The following PPP1R9A variants were observed in gnomAD, a reference collection of about 807,000 sequenced individuals.
The protein encoded by PPP1R9A is neurabin-1.
PPP1R9A carries 59 observed loss-of-function variants against 141.9 expected under a neutral mutation model. That is an observed-to-expected ratio of 0.42 (90% CI 0.34 to 0.52). The LOEUF (loss-of-function observed/expected upper bound fraction) is 0.52. PPP1R9A is among the 20% of genes least tolerant of loss of function. The probability of loss-of-function intolerance (pLI) is 0.10; values close to 1 mark genes in which losing one functional copy is unlikely to be tolerated. For synonymous variants in PPP1R9A, 500 were observed against 569.7 expected, an observed-to-expected ratio of 0.88 and a Z score of 1.74; for missense variants, 1,444 against 1,611.9, an observed-to-expected ratio of 0.90 and a Z score of 1.78.
chr7:95,092,944 T>C (rs1263220419), intron 2 of PPP1R9A, among the ~76,000 whole-genome samples: 2 of 152,218 alleles, frequency 1.3e-5, no homozygotes, highest in Non-Finnish European at 2.9e-5. Context: ...GCTTTGTCTA[T>C]GTCAGGGTGA....
At chr7:95,189,420 G>T (rs1563384863) in intron 5 of PPP1R9A, among the ~76,000 whole-genome samples, 1 of 150,988 alleles carries the variant, frequency 6.6e-6, no homozygotes, top group Admixed American at 6.6e-5. Context: ...ATTTTTTGGA[G>T]GGTTTGTTTA....
intron 7 of PPP1R9A, among the ~76,000 whole-genome samples, chr7:95,210,621 A>G (rs1366966879): frequency 3.3e-5 from 5 of 152,006 alleles, no homozygotes; most frequent in Admixed American, 3.3e-4. Flanking sequence ...ACATGCCACC[A>G]TTTGACCCAG....
At chr7:95,282,345 C>T (rs1804420665) in intron 16 of PPP1R9A, among the ~76,000 whole-genome samples, 1 of 151,926 alleles carries the variant, frequency 6.6e-6, no homozygotes, top group Non-Finnish European at 1.5e-5. Flanking sequence ...AAAAAGAAAA[C>T]AGAAGTTGAA....
intron 2 of PPP1R9A, among the ~76,000 whole-genome samples, chr7:95,038,427 C>T (rs1375610754): frequency 6.6e-6 from 1 of 152,092 alleles, no homozygotes; most frequent in Non-Finnish European, 1.5e-5. Flanking sequence ...ATGGGCTTTA[C>T]CTATAAGGAA....
At chr7:95,200,571 T>A (rs1239271036) in intron 6 of PPP1R9A, among the ~76,000 whole-genome samples, 1 of 152,200 alleles carries the variant, frequency 6.6e-6, no homozygotes, top group Non-Finnish European at 1.5e-5. Context: ...TGAGCCACCC[T>A]ACCTGGCCCA....
intron 2 of PPP1R9A, among the ~76,000 whole-genome samples, chr7:95,059,803 T>C (rs1811978447): frequency 6.6e-6 from 1 of 152,170 alleles, no homozygotes; most frequent in South Asian, 2.1e-4. Context: ...TCATTCCTAA[T>C]GTGTACTGTG....
At chr7:95,166,726 C>T (rs570737505) in intron 5 of PPP1R9A, among the ~76,000 whole-genome samples, 1 of 152,212 alleles carries the variant, frequency 6.6e-6, no homozygotes, top group East Asian at 1.9e-4. Context: ...AAACTGCAGG[C>T]CAATATTCCC....
chr7:95,111,122 C>T, intron 2 of PPP1R9A, 137 bp from the exon 3 acceptor site: 1 of 961,392 alleles, frequency 1.0e-6, no homozygotes, highest in South Asian at 2.1e-5. Flanking sequence ...CTTTTCTTAA[C>T]ATCTCAATTG....
At chr7:94,923,039 A>C (rs1054181763) in intron 2 of PPP1R9A, among the ~76,000 whole-genome samples, 1 of 152,190 alleles carries the variant, frequency 6.6e-6, no homozygotes, top group Non-Finnish European at 1.5e-5. Flanking sequence ...AGAAGGTGTT[A>C]CTTTAAGAAA....
intron 2 of PPP1R9A, among the ~76,000 whole-genome samples, chr7:95,092,724 A>T (rs1231394958): frequency 6.6e-6 from 1 of 152,238 alleles, no homozygotes; most frequent in Non-Finnish European, 1.5e-5. Context: ...AGAAAATAGC[A>T]TTAACAAATG....
chr7:95,001,221 A>T (rs113174145), intron 2 of PPP1R9A, among the ~76,000 whole-genome samples: 3,394 of 152,236 alleles, frequency 0.022, 125 homozygotes, highest in African/African-American at 0.077. Flanking sequence ...GTTATAAATA[A>T]GGACTTGGCT....
intron 2 of PPP1R9A, among the ~76,000 whole-genome samples, chr7:95,083,134 T>G (rs1816153104): frequency 6.6e-6 from 1 of 151,906 alleles, no homozygotes; most frequent in Admixed American, 6.6e-5. Context: ...GAAAAGCATA[T>G]ATATTTTGTA....
intron 5 of PPP1R9A, among the ~76,000 whole-genome samples, chr7:95,170,868 A>G (rs1232468055): frequency 1.3e-5 from 2 of 151,676 alleles, no homozygotes; most frequent in African/African-American, 2.4e-5. Flanking sequence ...TTTAAAACAA[A>G]GGACATGACT....
intron 2 of PPP1R9A, among the ~76,000 whole-genome samples, chr7:94,957,444 A>G (rs1300270642): frequency 6.6e-6 from 1 of 152,064 alleles, no homozygotes; most frequent in Non-Finnish European, 1.5e-5. Flanking sequence ...AGAATGGGAG[A>G]AAAGAAATTC....
intron 7 of PPP1R9A, among the ~76,000 whole-genome samples, chr7:95,222,933 T>G (rs1032409834): frequency 6.6e-6 from 1 of 152,108 alleles, no homozygotes; most frequent in African/African-American, 2.4e-5. Flanking sequence ...CCTATTTTTC[T>G]TAGTCCACTA....
At chr7:94,919,322 TTTTG>T (rs1792492737) in intron 2 of PPP1R9A, among the ~76,000 whole-genome samples, 1 of 101,692 alleles carries the variant, frequency 9.8e-6, no homozygotes, top group African/African-American at 4.1e-5. Context: ...TTTTTTTTTT[TTTTG>T]TAGATTCAGG....
chr7:95,137,933 TC>T (rs1825960425), intron 4 of PPP1R9A, among the ~76,000 whole-genome samples: 1 of 148,922 alleles, frequency 6.7e-6, no homozygotes, highest in Non-Finnish European at 1.5e-5. Flanking sequence ...TTTCTTTTTT[TC>T]TTTTTTTTTT....
intron 2 of PPP1R9A, among the ~76,000 whole-genome samples, chr7:95,067,848 G>A (rs1485516515): frequency 6.6e-6 from 1 of 152,128 alleles, no homozygotes; most frequent in Non-Finnish European, 1.5e-5. Context: ...ACAAATGGAA[G>A]TTCAGTAAAA....
intron 2 of PPP1R9A, among the ~76,000 whole-genome samples, chr7:94,975,170 A>G (rs1414720226): frequency 6.6e-6 from 1 of 152,088 alleles, no homozygotes; most frequent in Non-Finnish European, 1.5e-5. Context: ...AAATCAAATA[A>G]GCAGTGACAT....
Sources: allele counts gnomAD v4.1 joint callset (sites outside exome capture counted in the v4.1 genomes callset), GRCh38; gene constraint gnomAD v4.1.1; transcripts MANE v1.5; gene names NCBI Gene and HGNC (gene_info 2026-07-23, HGNC 2026-07-21).